MAPK4: variants seen among roughly 807,000 people sequenced by gnomAD.
The protein encoded by MAPK4 is mitogen-activated protein kinase 4, also known as Erk3-related.
In MAPK4, 22 loss-of-function variants were observed where a neutral mutation model predicts 47.7. The observed-to-expected ratio is 0.46, with a 90% confidence interval of 0.33 to 0.66. MAPK4 has a LOEUF of 0.66. MAPK4 is among the 30% of genes least tolerant of loss of function. The pLI is 0.02. For synonymous variants in MAPK4, 390 were observed against 365.7 expected (o/e 1.07, Z -0.76); for missense variants, 736 against 831.7 (o/e 0.88, Z 1.42).
At chr18:50,568,187 C>T (rs1366097413) in intron 1 of MAPK4, among the ~76,000 whole-genome samples, 10 of 147,854 alleles carry the variant, frequency 6.8e-5, no homozygotes, top group East Asian at 4.0e-4. Context: ...CAGAGCCAGA[C>T]GCTGTCCCAA....
At chr18:50,709,229 G>C (rs1910221406) in intron 2 of MAPK4, among the ~76,000 whole-genome samples, 2 of 152,120 alleles carry the variant, frequency 1.3e-5, no homozygotes, top group South Asian at 4.1e-4. Flanking sequence ...AAGAATCACA[G>C]TCTCCCTGCC....
chr18:50,564,321 T>C (rs543857843), intron 1 of MAPK4, among the ~76,000 whole-genome samples: 43 of 152,318 alleles, frequency 2.8e-4, no homozygotes, highest in African/African-American at 9.9e-4. Context: ...GATAATTTTT[T>C]GTTATGGGGA....
At chr18:50,621,760 T>A (rs969963766) in intron 1 of MAPK4, among the ~76,000 whole-genome samples, 1 of 152,246 alleles carries the variant, frequency 6.6e-6, no homozygotes, top group African/African-American at 2.4e-5. Context: ...GCTAGAGAGT[T>A]TGAGTTCTAA....
chr18:50,584,065 G>A (rs913924215), intron 1 of MAPK4, among the ~76,000 whole-genome samples: 2 of 152,230 alleles, frequency 1.3e-5, no homozygotes, highest in African/African-American at 2.4e-5. Flanking sequence ...TCACTGAAGA[G>A]TGCCTGAAGT....
intron 1 of MAPK4, among the ~76,000 whole-genome samples, chr18:50,583,052 C>T (rs1413750777): frequency 6.6e-6 from 1 of 152,170 alleles, no homozygotes; most frequent in Non-Finnish European, 1.5e-5. Context: ...GTTCTGGGTT[C>T]ATGTCCTGTG....
At chr18:50,638,299 A>C (rs2042905775) in intron 1 of MAPK4, among the ~76,000 whole-genome samples, 1 of 152,336 alleles carries the variant, frequency 6.6e-6, no homozygotes, top group South Asian at 2.1e-4. Context: ...GTCTTAGAAA[A>C]ATATTATGAT....
intron 1 of MAPK4, among the ~76,000 whole-genome samples, chr18:50,589,465 G>T (rs1037831826): frequency 1.3e-5 from 2 of 152,044 alleles, no homozygotes; most frequent in Non-Finnish European, 2.9e-5. Flanking sequence ...GCGTGGTGGC[G>T]GGCGCCTGTA....
intron 1 of MAPK4, among the ~76,000 whole-genome samples, chr18:50,592,220 G>A (rs982817849): frequency 2.0e-5 from 3 of 152,198 alleles, no homozygotes; most frequent in African/African-American, 7.2e-5. Context: ...GAAACAGCCA[G>A]AAGAGGGTTC....
chr18:50,711,221 C>G (rs1419703257), intron 2 of MAPK4, among the ~76,000 whole-genome samples: 1 of 152,230 alleles, frequency 6.6e-6, no homozygotes, highest in African/African-American at 2.4e-5. Flanking sequence ...AGATTATTTC[C>G]CAAACACCTC....
Position 50,580,964 on chromosome 18 carries a change from A to G in MAPK4, c.-871+20721A>G, listed in dbSNP as rs536308154. On this transcript the variant is annotated intron_variant, in intron 1 of 5. Coordinates refer to ENST00000400384, the MANE Select transcript of MAPK4 (RefSeq NM_002747.4). ...ACATCTGCCTTTCCATTGTCCATCA[A>G]TACTGCTCCTGGGGCCTTCCACCTT... Among the ~76,000 whole-genome samples, 6 of 152,240 alleles carry G rather than the reference A, an allele frequency of 3.9e-5. No homozygotes were observed. The South Asian group carries it at 6.2e-4, about 16-fold the overall frequency.
chr18:50,716,627 C>T (rs1046520709), intron 3 of MAPK4, among the ~76,000 whole-genome samples: 2 of 152,206 alleles, frequency 1.3e-5, no homozygotes, highest in African/African-American at 2.4e-5. Context: ...CTCCTTGCCA[C>T]CTGTCCTCTG....
intron 1 of MAPK4, among the ~76,000 whole-genome samples, chr18:50,582,730 C>T (rs867106963): frequency 1.3e-4 from 20 of 152,346 alleles, no homozygotes; most frequent in African/African-American, 2.6e-4. Flanking sequence ...ATCCCATGCC[C>T]GCTACAGTTC....
chr18:50,710,696 C>G (rs187257991), intron 2 of MAPK4, among the ~76,000 whole-genome samples: 1 of 151,938 alleles, frequency 6.6e-6, no homozygotes, highest in African/African-American at 2.4e-5. Context: ...AGGAGAATGG[C>G]GTGAACCCGG....
rs958372382 is a variant in MAPK4 at position 50,711,095 on chromosome 18, G to C, written c.547-3984G>C. Among the ~76,000 whole-genome samples the C allele has an allele frequency of 2.6e-5, 4 of 152,312 alleles. No homozygotes were observed. The East Asian group carries it at 7.7e-4, about 29-fold the overall frequency. ...TTCTGAATTCCCTGGCAGGCAGCTG[G>C]GATCGAGGGCTGCTTCCCTGCTCCC... On this transcript the variant is annotated intron_variant, in intron 2 of 5. Coordinates refer to ENST00000400384, the MANE Select transcript of MAPK4 (RefSeq NM_002747.4).
intron 1 of MAPK4, among the ~76,000 whole-genome samples, chr18:50,637,580 C>A (rs1306655617): frequency 6.6e-6 from 1 of 152,236 alleles, no homozygotes; most frequent in South Asian, 2.1e-4. Flanking sequence ...CTTCTATGCA[C>A]CTGTTTCCCC....
intron 1 of MAPK4, among the ~76,000 whole-genome samples, chr18:50,627,900 T>C (rs1300342414): frequency 2.6e-5 from 4 of 152,114 alleles, no homozygotes; most frequent in African/African-American, 9.7e-5. Context: ...TGTCTTAGAT[T>C]CTCATGTGAG....
At chr18:50,660,601 T>C (rs1293684957) in intron 1 of MAPK4, among the ~76,000 whole-genome samples, 1 of 152,148 alleles carries the variant, frequency 6.6e-6, no homozygotes, top group Non-Finnish European at 1.5e-5. Context: ...GGCTAATGTA[T>C]GGTAAATGCC....
chr18:50,623,304 A>G (rs2149383065), intron 1 of MAPK4, among the ~76,000 whole-genome samples: 1 of 152,288 alleles, frequency 6.6e-6, no homozygotes, highest in African/African-American at 2.4e-5. Flanking sequence ...CCTGCGAGCC[A>G]GCGGGGCTGG....
chr18:50,645,293 A>G (rs535586769), intron 1 of MAPK4, among the ~76,000 whole-genome samples: 1 of 152,218 alleles, frequency 6.6e-6, no homozygotes, highest in East Asian at 1.9e-4. Context: ...GTGAATGCCA[A>G]CGCGCTGTCC....
Sources: gnomAD v4.1 joint callset for allele counts (sites outside exome capture counted in the v4.1 genomes callset) on GRCh38, gnomAD v4.1.1 for gene constraint, MANE v1.5 for transcripts, NCBI Gene and HGNC (gene_info 2026-07-23, HGNC 2026-07-21) for gene names.